Variants in CDH2 observed in about 807,000 individuals in gnomAD.
The protein encoded by CDH2 is cadherin 2, also known as cadherin-2.
Under a neutral mutation model 92.0 loss-of-function variants are expected in CDH2, and 17 were observed. That is an observed-to-expected ratio of 0.18 (90% CI 0.13 to 0.28). CDH2 has a LOEUF of 0.28. Ranked by LOEUF, CDH2 falls within the 10% of genes least tolerant of loss-of-function variation. The probability of loss-of-function intolerance (pLI) is 1.00; values close to 1 mark genes in which losing one functional copy is unlikely to be tolerated. For missense variants in CDH2, 862 were observed against 1,133.1 expected (o/e 0.76, Z 3.44); for synonymous variants, 419 against 415.9 (o/e 1.01, Z -0.09).
At chr18:28,103,437 TA>T (rs2015266595) in intron 2 of CDH2, among the ~76,000 whole-genome samples, 1 of 69,888 alleles carries the variant, frequency 1.4e-5, no homozygotes, top group African/African-American at 7.6e-5. Context: ...ATATATGAAG[TA>T]TGTTTATATA....
intron 1 of CDH2, among the ~76,000 whole-genome samples, chr18:28,161,253 G>T (rs2016302119): frequency 6.6e-6 from 1 of 152,050 alleles, no homozygotes. Context: ...TAAGACTGTT[G>T]CTGTGGTCAT....
chr18:28,055,527 GA>G (rs2014274647), intron 2 of CDH2, among the ~76,000 whole-genome samples: 1 of 152,164 alleles, frequency 6.6e-6, no homozygotes, highest in African/African-American at 2.4e-5. Flanking sequence ...ACTGGCAAAT[GA>G]AAAATCTTAA....
chr18:28,008,040 G>A (rs2012991075), intron 5 of CDH2, among the ~76,000 whole-genome samples: 1 of 152,050 alleles, frequency 6.6e-6, no homozygotes, highest in South Asian at 2.1e-4. Flanking sequence ...GACTGGTATT[G>A]CTCTTTTAAT....
intron 2 of CDH2, among the ~76,000 whole-genome samples, chr18:28,062,872 C>T (rs1408373230): frequency 3.3e-5 from 5 of 152,114 alleles, no homozygotes; most frequent in African/African-American, 1.2e-4. Flanking sequence ...ACTCCGGAGG[C>T]TGAGGCAGGA....
chr18:28,001,001 CT>C (rs1399064018), intron 7 of CDH2, among the ~76,000 whole-genome samples: 1 of 151,976 alleles, frequency 6.6e-6, no homozygotes, highest in African/African-American at 2.4e-5. Context: ...TGCATTTTTT[CT>C]ATGTTAAATG....
At chr18:28,104,692 ATATC>A (rs5823586) in intron 2 of CDH2, among the ~76,000 whole-genome samples, 6,677 of 148,412 alleles carry the variant, frequency 0.045, 228 homozygotes, top group African/African-American at 0.072. Context: ...ATGCAAATAC[ATATC>A]TATCTATCTA....
rs966535005 is a variant in CDH2, at chr18:28,136,998, T to A, written c.172+10675A>T. Reference sequence around the variant, plus strand: ...TAGAAGAGTTAAAACATGAGGACTTTGAGTTATTTCCTACACTTTTTAATA... The same window carrying A: ...TAGAAGAGTTAAAACATGAGGACTTAGAGTTATTTCCTACACTTTTTAATA... On this transcript the variant is annotated intron_variant, in intron 2 of 15. Transcript: ENST00000269141. Among the ~76,000 whole-genome samples, 3 of 152,258 alleles carry A rather than the reference T, an allele frequency of 2.0e-5. No homozygotes were observed. In the South Asian group the frequency reaches 6.2e-4, roughly 32 times the overall value.
At chr18:27,965,692 C>CTGT (rs920876360) in intron 14 of CDH2, among the ~76,000 whole-genome samples, 1 of 152,126 alleles carries the variant, frequency 6.6e-6, no homozygotes, top group African/African-American at 2.4e-5. Flanking sequence ...AGTCCTTGAA[C>CTGT]TGTTAAAATG....
At chr18:27,957,133 C>CCCATCCATCCATCCATCCATCCATCCAT (rs6146242) in intron 15 of CDH2, among the ~76,000 whole-genome samples, 57 of 151,470 alleles carry the variant, frequency 3.8e-4, no homozygotes, top group African/African-American at 1.2e-3. Flanking sequence ...ATCCATCCAT[C>CCCATCCATCCATCCATCCATCCATCCAT]CCATCCATCC....
At chr18:28,059,887 A>G (rs780081450) in intron 2 of CDH2, among the ~76,000 whole-genome samples, 4 of 152,090 alleles carry the variant, frequency 2.6e-5, no homozygotes, top group African/African-American at 7.2e-5. Context: ...TTTCCTTTCA[A>G]ACTTTTTTGT....
At chr18:27,958,717 C>T (rs2011320219) in intron 15 of CDH2, among the ~76,000 whole-genome samples, 1 of 152,084 alleles carries the variant, frequency 6.6e-6, no homozygotes, top group Non-Finnish European at 1.5e-5. Flanking sequence ...ATTGTAGTTC[C>T]ATATTTCCCA....
chr18:28,174,322 G>C (rs1192078113), intron 1 of CDH2, among the ~76,000 whole-genome samples: 1 of 151,810 alleles, frequency 6.6e-6, no homozygotes. Flanking sequence ...TGCAGATAGA[G>C]CTTTGTTGTT....
At position 28,087,917 on chromosome 18, in the gene CDH2, T is replaced by C. The variant is rs190628501; in HGVS notation, c.172+59756A>G. 2.5e-3 allele frequency among the ~76,000 whole-genome samples: 388 copies of C among 152,252 alleles called. 1 individual carries two copies. The highest frequency in any genetic ancestry group is 6.8e-3 in the Middle Eastern group (2 of 294). On this transcript the variant is annotated intron_variant, in intron 2 of 15. Transcript: ENST00000269141. Reference sequence around the variant, plus strand: ...AAGGACAGGCAAACCACACTACAGATACTCGGTTTTTTACTCTCTCCCGCC... The same window carrying C: ...AAGGACAGGCAAACCACACTACAGACACTCGGTTTTTTACTCTCTCCCGCC...
intron 14 of CDH2, among the ~76,000 whole-genome samples, chr18:27,977,359 T>C (rs1158336448): frequency 6.6e-6 from 1 of 152,130 alleles, no homozygotes; most frequent in Non-Finnish European, 1.5e-5. Context: ...AGTAGTTGTT[T>C]CTTTTTTTTT....
Position 27,982,956 on chromosome 18 carries a change from T to C in CDH2, c.2337A>G (p.Gly779=). 1 of 1,598,452 alleles carries C rather than the reference T, an allele frequency of 6.3e-7. No homozygotes were observed. The highest frequency in any genetic ancestry group is 8.5e-7 in the Non-Finnish European group (1 of 1,170,698). The change falls in exon 14 of 16, where the codon GGA becomes GGG. Residue 779 remains glycine (G), a synonymous_variant. Transcript: ENST00000269141. The part of the protein sequence containing the change: ...NILKYDEEGG[G]EEDQDYDLSQ... The stretch of plus-strand genomic sequence containing the variant: ...AAGCACTGCTCACCTGGTCTTCTTC[T>C]CCTCCACCTTCTTCATCATATTTTA...
At chr18:27,948,486 TCAAA>T (rs1163920836), downstream of CDH2, among the ~76,000 whole-genome samples, 1 of 151,724 alleles carries the variant, frequency 6.6e-6, no homozygotes, top group African/African-American at 2.4e-5. Context: ...AAAAATCTAG[TCAAA>T]CATAGTGAGA....
intron 2 of CDH2, among the ~76,000 whole-genome samples, chr18:28,080,469 C>T (rs143307313): frequency 3.2e-4 from 49 of 152,178 alleles, no homozygotes; most frequent in African/African-American, 1.0e-3. Flanking sequence ...GAGATGACAG[C>T]ACCCAAATTT....
At chr18:28,087,305 G>C (rs949719191) in intron 2 of CDH2, among the ~76,000 whole-genome samples, 6 of 152,170 alleles carry the variant, frequency 3.9e-5, no homozygotes, top group African/African-American at 7.2e-5. Flanking sequence ...CCCACACCAT[G>C]ATGAGGGACA....
chr18:28,065,745 A>G (rs2014493962), intron 2 of CDH2, among the ~76,000 whole-genome samples: 1 of 152,268 alleles, frequency 6.6e-6, no homozygotes, highest in African/African-American at 2.4e-5. Flanking sequence ...TAATTCTCCA[A>G]TATTAAATTC....
Sources: gnomAD v4.1 joint callset for allele counts (sites outside exome capture counted in the v4.1 genomes callset) on GRCh38, gnomAD v4.1.1 for gene constraint, MANE v1.5 for transcripts, NCBI Gene and HGNC (gene_info 2026-07-23, HGNC 2026-07-21) for gene names.